Variants in PAQR5 observed in about 807,000 individuals in gnomAD.
PAQR5 encodes the protein progestin and adipoQ receptor family member 5.
In PAQR5, 20 loss-of-function variants were observed where a neutral mutation model predicts 34.5. The ratio of observed to expected loss-of-function variants is 0.58; its 90% CI spans 0.41 to 0.84. The LOEUF (loss-of-function observed/expected upper bound fraction) is 0.84, where lower values mean the gene tolerates loss of function less well. Ranked by LOEUF, PAQR5 falls within the 40% of genes least tolerant of loss-of-function variation. The pLI is 0.00. For missense variants in PAQR5, 378 were observed against 412.7 expected (o/e 0.92, Z 0.73); for synonymous variants, 131 against 155.6 (o/e 0.84, Z 1.18).
intron 1 of PAQR5, among the ~76,000 whole-genome samples, chr15:69,303,523 C>T (rs1229322171): frequency 6.6e-6 from 1 of 151,822 alleles, no homozygotes; most frequent in African/African-American, 2.4e-5. Flanking sequence ...AAAATAGTGC[C>T]CTCTTCAGGC....
intron 1 of PAQR5, among the ~76,000 whole-genome samples, chr15:69,323,976 G>A (rs1029590476): frequency 1.1e-4 from 17 of 152,062 alleles, no homozygotes; most frequent in African/African-American, 4.1e-4. Flanking sequence ...GTTTTGCATG[G>A]ATGTGGCCGT....
intron 2 of PAQR5, among the ~76,000 whole-genome samples, chr15:69,339,703 C>T (rs1354346770): frequency 6.6e-6 from 1 of 152,204 alleles, no homozygotes; most frequent in African/African-American, 2.4e-5. Context: ...GAACTCCTGA[C>T]CTCAAGTGAT....
Position 69,360,145 on chromosome 15 carries a change from T to G in PAQR5, c.51+14T>G. On this transcript the variant is annotated intron_variant, in intron 3 of 8. Coordinates refer to ENST00000395407, the MANE Select transcript of PAQR5 (RefSeq NM_017705.4). ...CAGATACCCCAGGTATGTGCTCTAT[T>G]GATTATGATGGTTCATTTCCAGAGT... The G allele has an allele frequency of 6.2e-7, 1 of 1,601,510 alleles. No homozygotes were observed. Among genetic ancestry groups the G allele is most frequent in the Non-Finnish European group, 8.6e-7 (1 of 1,168,630 alleles).
rs370436036 is a variant in PAQR5 at position 69,314,138 on chromosome 15, A to G, written c.-277+15082A>G. ...CTGAAATAGAGGATGCCAATTGTTCATTTCTTCGATGTCTTTGGTACACGT... is the reference window on the plus strand; with the variant it reads ...CTGAAATAGAGGATGCCAATTGTTCGTTTCTTCGATGTCTTTGGTACACGT... On this transcript the variant is annotated intron_variant, in intron 1 of 8. Coordinates refer to ENST00000395407, the MANE Select transcript of PAQR5 (RefSeq NM_017705.4). Among the ~76,000 whole-genome samples, 72 of 152,070 alleles carry G rather than the reference A, an allele frequency of 4.7e-4. 1 individual carries two copies. The highest frequency in any genetic ancestry group is 1.5e-3 in the African/African-American group (63 of 41,468).
At chr15:69,341,203 A>T (rs2054633003) in intron 2 of PAQR5, among the ~76,000 whole-genome samples, 2 of 85,736 alleles carry the variant, frequency 2.3e-5, no homozygotes, top group African/African-American at 4.5e-5. Context: ...CCCCTGCCAG[A>T]CTGTCTTTAC....
intron 1 of PAQR5, among the ~76,000 whole-genome samples, chr15:69,335,097 G>A (rs904548782): frequency 3.2e-4 from 48 of 151,740 alleles, no homozygotes; most frequent in African/African-American, 1.1e-3. Flanking sequence ...TGTGGCAGGT[G>A]CCTGTAATCC....
rs150095504 is a variant in PAQR5 at position 69,324,972 on chromosome 15, C to T, written c.-276-12369C>T. ...GGAGTGCAGTGGGGCAATCTCAGCA[C>T]ATTACAATCTCTTCCTCCCAGGCTC... On this transcript the variant is annotated intron_variant, in intron 1 of 8. Transcript: ENST00000395407. 4.6e-3 allele frequency among the ~76,000 whole-genome samples: 698 copies of T among 151,388 alleles called. 13 individuals are homozygous for T. The highest frequency in any genetic ancestry group is 0.016 in the African/African-American group (651 of 41,268).
At chr15:69,382,965 C>T (rs1031083511) in intron 4 of PAQR5, 1 of 151,462 alleles carries the variant, frequency 6.6e-6, no homozygotes, top group Admixed American at 6.6e-5. Flanking sequence ...CTTGGAGCTG[C>T]TTTGGGAGGT....
At chr15:69,352,560 A>AG (rs1567015417) in intron 2 of PAQR5, among the ~76,000 whole-genome samples, 1 of 152,232 alleles carries the variant, frequency 6.6e-6, no homozygotes, top group Non-Finnish European at 1.5e-5. Context: ...ATCAGTTGAC[A>AG]AAGGAAGAGA....
chr15:69,300,830 CCTTT>C (rs2053559085), intron 1 of PAQR5, among the ~76,000 whole-genome samples: 1 of 59,618 alleles, frequency 1.7e-5, no homozygotes, highest in African/African-American at 5.5e-5. Flanking sequence ...TTCCTTCCTT[CCTTT>C]AGTTCGTTTT....
chr15:69,329,564 A>T (rs375488589), intron 1 of PAQR5, among the ~76,000 whole-genome samples: 28 of 139,474 alleles, frequency 2.0e-4, no homozygotes, highest in African/African-American at 7.4e-4. Flanking sequence ...GGCTCACTGC[A>T]ACCTCTGCCT....
chr15:69,349,675 C>T (rs969876482), intron 2 of PAQR5, among the ~76,000 whole-genome samples: 8 of 150,976 alleles, frequency 5.3e-5, no homozygotes, highest in Non-Finnish European at 1.2e-4. Context: ...GAGTTTCACT[C>T]TTGTTGCCCA....
chr15:69,333,302 G>C (rs2054431950), intron 1 of PAQR5, among the ~76,000 whole-genome samples: 1 of 152,188 alleles, frequency 6.6e-6, no homozygotes, highest in African/African-American at 2.4e-5. Context: ...ATCCCTCTCA[G>C]AATCAAAGGC....
At chr15:69,347,116 C>A (rs7497244) in intron 2 of PAQR5, among the ~76,000 whole-genome samples, 15 of 152,256 alleles carry the variant, frequency 9.9e-5, no homozygotes, top group Admixed American at 9.8e-4. Context: ...GCCACCACGC[C>A]AGGCCTCCAG....
At chr15:69,387,410 A>G (rs1246957547) in intron 5 of PAQR5, among the ~76,000 whole-genome samples, 2 of 152,226 alleles carry the variant, frequency 1.3e-5, no homozygotes, top group Non-Finnish European at 2.9e-5. Flanking sequence ...TGCAAGTTTC[A>G]TAACCCTGCC....
At position 69,363,515 on chromosome 15, in the gene PAQR5, C is replaced by G. The variant is rs1460202398; in HGVS notation, c.51+3384C>G. 2.0e-5 allele frequency among the ~76,000 whole-genome samples: 3 copies of G among 146,696 alleles called. No individual in the cohort carries two copies. The South Asian group carries it at 6.6e-4, about 32-fold the overall frequency. On this transcript the variant is annotated intron_variant, in intron 3 of 8. Coordinates refer to ENST00000395407, the MANE Select transcript of PAQR5 (RefSeq NM_017705.4). Reference sequence around the variant, plus strand: ...ACACTTTGCCAGGAAACAAGAACATCGAGTGTCAAATTGCTAATCTGTTTT... The same window carrying G: ...ACACTTTGCCAGGAAACAAGAACATGGAGTGTCAAATTGCTAATCTGTTTT...
intron 3 of PAQR5, among the ~76,000 whole-genome samples, chr15:69,361,212 C>G (rs1001840389): frequency 2.0e-5 from 3 of 152,190 alleles, no homozygotes; most frequent in Non-Finnish European, 4.4e-5. Flanking sequence ...GCATTAGCAG[C>G]TGTGATTAGT....
chr15:69,390,540 G>A lies in PAQR5; in HGVS notation c.512+760G>A, dbSNP rs549499828. Among the ~76,000 whole-genome samples, 5 of 152,030 alleles carry A rather than the reference G, an allele frequency of 3.3e-5. No individual in the cohort carries two copies. The South Asian group carries it at 1.0e-3, about 32-fold the overall frequency. Reference sequence around the variant, plus strand: ...ACAAGGCTTTACAAATTATGCAGCTGGTTCCATTTGCTGGACAAGTGGCTT... The same window carrying A: ...ACAAGGCTTTACAAATTATGCAGCTAGTTCCATTTGCTGGACAAGTGGCTT... On this transcript the variant is annotated intron_variant, in intron 6 of 8. Coordinates refer to ENST00000395407, the MANE Select transcript of PAQR5 (RefSeq NM_017705.4).
chr15:69,377,309 C>T (rs2055734308), intron 3 of PAQR5, among the ~76,000 whole-genome samples: 1 of 152,212 alleles, frequency 6.6e-6, no homozygotes, highest in East Asian at 1.9e-4. Flanking sequence ...ACGTGCCGTC[C>T]TCCTCCACAG....
Sources: allele counts gnomAD v4.1 joint callset (sites outside exome capture counted in the v4.1 genomes callset), GRCh38; gene constraint gnomAD v4.1.1; transcripts MANE v1.5; gene names NCBI Gene and HGNC (gene_info 2026-07-23, HGNC 2026-07-21).